The following PCDHGA11 variants were observed in gnomAD, a reference collection of about 807,000 sequenced individuals.
PCDHGA11 encodes protocadherin gamma-A11.
Under a neutral mutation model 60.4 loss-of-function variants are expected in PCDHGA11, and 39 were observed. That is an observed-to-expected ratio of 0.65 (90% confidence interval 0.50 to 0.84). PCDHGA11 has a LOEUF of 0.84. PCDHGA11 is among the 40% of genes least tolerant of loss of function. The pLI is 0.00. For synonymous variants in PCDHGA11, 533 were observed against 510.3 expected, an observed-to-expected ratio of 1.04 and a Z score of -0.60; for missense variants, 1,165 against 1,197.7, an observed-to-expected ratio of 0.97 and a Z score of 0.40.
At position 141,467,151 on chromosome 5, in the gene PCDHGA11, C is replaced by T. The variant is rs527879624; in HGVS notation, c.2434-27656C>T. ...CACTGCAACCTCTGCCTCCCAGGTT[C>T]AAGTGATTCTCATCTCTCAGCCTCC... is the stretch of plus-strand genomic sequence containing the variant. On this transcript the variant is annotated intron_variant, in intron 1 of 3. Transcript: ENST00000398587. Among the ~76,000 whole-genome samples the T allele has an allele frequency of 4.0e-5, 6 of 151,660 alleles. No homozygotes were observed. In the East Asian group the frequency reaches 7.8e-4, roughly 20 times the overall value.
chr5:141,484,603 G>T (rs1460433183), intron 1 of PCDHGA11, among the ~76,000 whole-genome samples: 1 of 152,008 alleles, frequency 6.6e-6, no homozygotes, highest in Non-Finnish European at 1.5e-5. Context: ...TAGAATACTG[G>T]TTGATGACAA....
At chr5:141,437,011 T>C (rs2097858173) in intron 1 of PCDHGA11, among the ~76,000 whole-genome samples, 1 of 152,236 alleles carries the variant, frequency 6.6e-6, no homozygotes, top group Non-Finnish European at 1.5e-5. Flanking sequence ...GGATCTTAGA[T>C]AATTTCACCA....
intron 1 of PCDHGA11, chr5:141,430,525 G>C (rs1354801907): frequency 3.3e-5 from 12 of 365,842 alleles, no homozygotes; most frequent in Admixed American, 1.3e-4. Context: ...GCAGTAATTG[G>C]TTAGGACTCT....
chr5:141,434,820 G>A (rs953824837), intron 1 of PCDHGA11, among the ~76,000 whole-genome samples: 1 of 151,302 alleles, frequency 6.6e-6, no homozygotes, highest in Admixed American at 6.6e-5. Flanking sequence ...ATATCCCTTA[G>A]TACACTTGGC....
At chr5:141,464,223 CCACTGCA>C (rs916210777) in intron 1 of PCDHGA11, among the ~76,000 whole-genome samples, 4 of 150,824 alleles carry the variant, frequency 2.7e-5, no homozygotes, top group Non-Finnish European at 4.4e-5. Flanking sequence ...TGAGATTGCG[CCACTGCA>C]CTCCAGCCTG....
At chr5:141,482,572 T>C (rs1367788391) in intron 1 of PCDHGA11, among the ~76,000 whole-genome samples, 1 of 137,636 alleles carries the variant, frequency 7.3e-6, no homozygotes, top group Admixed American at 7.3e-5. Context: ...CTGCATAGCA[T>C]AAGATGCAGT....
At position 141,496,266 on chromosome 5, in the gene PCDHGA11, AAGACCTTC is replaced by A. The variant is rs2099767586; in HGVS notation, c.2492+1404_2492+1411del. Among the ~76,000 whole-genome samples the A allele has an allele frequency of 2.0e-5, 3 of 152,152 alleles. No homozygotes were observed. The South Asian group carries it at 6.2e-4, about 32-fold the overall frequency. Reference sequence around the variant, plus strand: ...TGAAGGGGAGGGAAACTTCAGCAGAAAGACCTTCAGTTGGTCTGAGCAGAGTGGGATAG... The same window carrying A: ...TGAAGGGGAGGGAAACTTCAGCAGAAAGTTGGTCTGAGCAGAGTGGGATAG... On this transcript the variant is annotated intron_variant, in intron 2 of 3. Coordinates refer to ENST00000398587, the MANE Select transcript of PCDHGA11 (RefSeq NM_018914.3).
chr5:141,487,667 A>G lies in PCDHGA11; in HGVS notation c.2434-7140A>G, dbSNP rs2099657916. ...GCTTGAGGGTTATTCTGATCCAGGC[A>G]TATGGCTAGGCCATGTCCTAGAGAG... On this transcript the variant is annotated intron_variant, in intron 1 of 3. Transcript: ENST00000398587. This position sits in a 1 kb window ranked among gnomAD's most constrained non-coding sequence, Gnocchi z 5.0. 6.2e-7 allele frequency: 1 copy of G among 1,612,782 alleles called. No individual in the cohort carries two copies. The highest frequency in any genetic ancestry group is 1.1e-5 in the South Asian group (1 of 90,692).
chr5:141,435,181 T>C (rs1249878603), intron 1 of PCDHGA11, among the ~76,000 whole-genome samples: 1 of 152,184 alleles, frequency 6.6e-6, no homozygotes, highest in African/African-American at 2.4e-5. Context: ...TTAACTACAC[T>C]TGAGATGGCT....
rs1417754081 is a variant in PCDHGA11, at chr5:141,512,046, T to C, written c.*873T>C. 1 of 152,746 alleles carries C rather than the reference T, an allele frequency of 6.5e-6. No individual in the cohort carries two copies. Among genetic ancestry groups the C allele is most frequent in the East Asian group, 1.9e-4 (1 of 5,190 alleles). 9.5% of individuals were successfully genotyped at this position (152,746 alleles called of 1,614,324 possible). Reference sequence around the variant, plus strand: ...GCCTTGGAGGAGGCTCTGTATGTCCTCAGGGGACTGACAACATCCTCCAGA... The same window carrying C: ...GCCTTGGAGGAGGCTCTGTATGTCCCCAGGGGACTGACAACATCCTCCAGA... On this transcript the variant is annotated 3_prime_UTR_variant, in exon 4 of 4. Transcript: ENST00000398587.
In PCDHGA11 at chr5:141,489,574, C is replaced by T. The variant is rs963768096; in HGVS notation, c.2434-5233C>T. The T allele has an allele frequency of 2.5e-6, 4 of 1,613,978 alleles. No homozygotes were observed. The highest frequency in any genetic ancestry group is 3.4e-6 in the Non-Finnish European group (4 of 1,180,014). ...GCTGCCAGTGCAGGTGGTGACTGAA[C>T]ACCCCCTGGAGCTAATCCGTGTAGA... On this transcript the variant is annotated intron_variant, in intron 1 of 3. Coordinates refer to ENST00000398587, the MANE Select transcript of PCDHGA11 (RefSeq NM_018914.3). This position sits in a 1 kb window ranked among gnomAD's most constrained non-coding sequence, Gnocchi z 4.5.
rs2096566609 is a variant in PCDHGA11, at chr5:141,421,362, C to T, written c.135C>T (p.Phe45=). The change falls in exon 1 of 4, where the codon TTC becomes TTT. Residue 45 remains phenylalanine, a synonymous_variant. Coordinates refer to ENST00000398587, the MANE Select transcript of PCDHGA11 (RefSeq NM_018914.3). The stretch of plus-strand genomic sequence containing the variant: ...CAGAAGAGACCGAAAAGGGCTCCTT[C>T]GTGGGCAATATCTCCAAGGACCTGG... ...SVPEETEKGS[F]VGNISKDLGL... 6.2e-7 allele frequency: 1 copy of T among 1,613,998 alleles called. No homozygotes were observed. Among genetic ancestry groups the T allele is most frequent in the African/African-American group, 1.3e-5 (1 of 75,072 alleles).
intron 2 of PCDHGA11, among the ~76,000 whole-genome samples, chr5:141,502,828 G>T (rs928458403): frequency 6.6e-6 from 1 of 150,704 alleles, no homozygotes; most frequent in Non-Finnish European, 1.5e-5. Context: ...CCTTGGGGAA[G>T]CCTGGACTGG....
intron 1 of PCDHGA11, among the ~76,000 whole-genome samples, chr5:141,449,342 C>T (rs895923034): frequency 3.3e-5 from 5 of 151,854 alleles, no homozygotes; most frequent in Non-Finnish European, 5.9e-5. Context: ...TGCAGTGGCT[C>T]ACTCCTGTAA....
At chr5:141,462,540 T>G (rs2099042148) in intron 1 of PCDHGA11, among the ~76,000 whole-genome samples, 2 of 152,204 alleles carry the variant, frequency 1.3e-5, no homozygotes, top group Non-Finnish European at 2.9e-5. Flanking sequence ...TCAGTGATCT[T>G]TTCTTCTTCA....
intron 1 of PCDHGA11, among the ~76,000 whole-genome samples, chr5:141,473,910 A>G (rs1165685707): frequency 6.6e-6 from 1 of 152,168 alleles, no homozygotes; most frequent in Non-Finnish European, 1.5e-5. Flanking sequence ...AAGAGGTCTT[A>G]AGAAAACTAT....
intron 1 of PCDHGA11, among the ~76,000 whole-genome samples, chr5:141,447,493 T>A (rs538320272): frequency 3.3e-5 from 5 of 152,186 alleles, no homozygotes; most frequent in East Asian, 1.9e-4. Flanking sequence ...AGAAGGAATG[T>A]TTAGGATAAA....
chr5:141,423,972 T>A (rs1459859824), intron 1 of PCDHGA11: 2 of 1,128,544 alleles, frequency 1.8e-6, no homozygotes, highest in African/African-American at 3.3e-5. Flanking sequence ...CTATTATCAG[T>A]GTATGAGGCT....
chr5:141,423,875 A>G (rs1354115544), intron 1 of PCDHGA11: 8 of 1,282,448 alleles, frequency 6.2e-6, no homozygotes, highest in African/African-American at 3.1e-5. Context: ...TCATTTTTCA[A>G]TCTTGGCATA....
Sources: allele counts gnomAD v4.1 joint callset (sites outside exome capture counted in the v4.1 genomes callset), GRCh38; gene constraint gnomAD v4.1.1; non-coding constraint Gnocchi (gnomAD v3.1); transcripts MANE v1.5; gene names NCBI Gene and HGNC (gene_info 2026-07-23, HGNC 2026-07-21).